The following ERC1 variants were observed in gnomAD, a reference collection of about 807,000 sequenced individuals.
The protein encoded by ERC1 is RAB6 interacting protein 2.
In ERC1, 56 loss-of-function variants were observed where a neutral mutation model predicts 132.0. That is an observed-to-expected ratio of 0.42 (90% CI 0.34 to 0.53). The LOEUF is 0.53. ERC1 is among the 20% of genes least tolerant of loss of function. The pLI is 0.03. For synonymous variants in ERC1, 478 were observed against 476.1 expected, an observed-to-expected ratio of 1.00 and a Z score of -0.05; for missense variants, 1,202 against 1,349.9, an observed-to-expected ratio of 0.89 and a Z score of 1.72.
intron 13 of ERC1, among the ~76,000 whole-genome samples, chr12:1,248,618 A>G (rs1281791315): frequency 6.6e-6 from 1 of 152,228 alleles, no homozygotes; most frequent in Non-Finnish European, 1.5e-5. Flanking sequence ...TTTAGATTTT[A>G]CAAGTAGTGA....
chr12:1,251,861 A>G (rs2076489454), intron 13 of ERC1, among the ~76,000 whole-genome samples: 1 of 152,154 alleles, frequency 6.6e-6, no homozygotes, highest in East Asian at 1.9e-4. Flanking sequence ...AAATTATTAA[A>G]AACTGGACTA....
chr12:1,239,560 T>A (rs973026220), intron 13 of ERC1, among the ~76,000 whole-genome samples: 4 of 152,000 alleles, frequency 2.6e-5, no homozygotes, highest in Non-Finnish European at 4.4e-5. Flanking sequence ...TCTAAAAAAA[T>A]TTAAGAAATT....
intron 1 of ERC1, among the ~76,000 whole-genome samples, chr12:1,025,212 T>G (rs1184353104): frequency 6.6e-6 from 1 of 152,200 alleles, no homozygotes; most frequent in Non-Finnish European, 1.5e-5. Context: ...AAAAAAAAAT[T>G]CAGGTGCTTT....
At chr12:1,091,868 A>T (rs901697097) in intron 3 of ERC1, among the ~76,000 whole-genome samples, 1 of 152,160 alleles carries the variant, frequency 6.6e-6, no homozygotes, top group Non-Finnish European at 1.5e-5. Flanking sequence ...ATTGCTGGAG[A>T]TGTACAGAAT....
At chr12:1,485,056 T>C (rs1314276092) in intron 18 of ERC1, among the ~76,000 whole-genome samples, 2 of 150,974 alleles carry the variant, frequency 1.3e-5, no homozygotes, top group Non-Finnish European at 3.0e-5. Context: ...CTAATTTTTT[T>C]GTTTTAGTTT....
At chr12:1,129,513 G>A (rs1350294713) in intron 7 of ERC1, among the ~76,000 whole-genome samples, 3 of 152,158 alleles carry the variant, frequency 2.0e-5, no homozygotes, top group African/African-American at 4.8e-5. Context: ...GCAATAGAGC[G>A]AGACCCTGTC....
intron 2 of ERC1, among the ~76,000 whole-genome samples, chr12:1,039,254 G>C (rs1046854628): frequency 1.3e-5 from 2 of 150,714 alleles, no homozygotes; most frequent in Admixed American, 1.3e-4. Flanking sequence ...GGAGAATGGC[G>C]TGAACCCGGG....
chr12:1,263,935 C>CT (rs2077306153), intron 14 of ERC1, among the ~76,000 whole-genome samples: 1 of 152,012 alleles, frequency 6.6e-6, no homozygotes, highest in Non-Finnish European at 1.5e-5. Context: ...GGTGATCCAC[C>CT]TGCCCCGGCT....
chr12:1,323,868 T>C (rs1489234936), intron 15 of ERC1, among the ~76,000 whole-genome samples: 3 of 152,216 alleles, frequency 2.0e-5, no homozygotes, highest in Non-Finnish European at 4.4e-5. Context: ...TATGGCTGAT[T>C]GTTGCTGCTT....
chr12:1,123,179 A>G (rs148427822), intron 7 of ERC1, among the ~76,000 whole-genome samples: 377 of 152,314 alleles, frequency 2.5e-3, no homozygotes, highest in African/African-American at 8.9e-3. Context: ...TTAAGAAGAT[A>G]ATGATAAGCT....
chr12:1,240,572 A>T lies in ERC1; in HGVS notation c.2487+3668A>T, dbSNP rs578160711. ...GGTTCATTTCTTAGCCAAGCTCCTT[A>T]TTTGTGTTTTCCCTTTACTTGAGAA... On this transcript the variant is annotated intron_variant, in intron 13 of 18. Transcript: ENST00000360905. Among the ~76,000 whole-genome samples, 7 of 152,094 alleles carry T rather than the reference A, an allele frequency of 4.6e-5. No homozygotes were observed. The South Asian group carries it at 1.5e-3, about 32-fold the overall frequency.
chr12:1,407,928 G>A (rs74832665), intron 16 of ERC1, among the ~76,000 whole-genome samples: 5,752 of 152,164 alleles, frequency 0.038, 170 homozygotes, highest in Non-Finnish European at 0.063. Context: ...TGGTAACGTT[G>A]GGGTTTAGGG....
At chr12:1,155,351 C>T (rs1012517549) in intron 8 of ERC1, among the ~76,000 whole-genome samples, 1 of 147,216 alleles carries the variant, frequency 6.8e-6, no homozygotes, top group Non-Finnish European at 1.5e-5. Context: ...TTTATCATTT[C>T]ATCCAGCAGT....
intron 8 of ERC1, among the ~76,000 whole-genome samples, chr12:1,149,438 G>T (rs909739326): frequency 1.3e-5 from 2 of 152,086 alleles, no homozygotes; most frequent in African/African-American, 2.4e-5. Context: ...TCACTGTGTT[G>T]CCCAGGCTGG....
intron 17 of ERC1, among the ~76,000 whole-genome samples, chr12:1,432,247 G>T (rs1171942102): frequency 2.0e-5 from 3 of 152,240 alleles, no homozygotes. Flanking sequence ...ATATGTGAAT[G>T]AATGACTGTG....
intron 1 of ERC1, among the ~76,000 whole-genome samples, chr12:1,016,480 A>G (rs1965518783): frequency 6.6e-6 from 1 of 152,184 alleles, no homozygotes; most frequent in South Asian, 2.1e-4. Flanking sequence ...TTGTGGGAAG[A>G]GTGAGAATTA....
intron 1 of ERC1, among the ~76,000 whole-genome samples, chr12:1,009,979 T>G (rs1438926763): frequency 6.6e-6 from 1 of 152,232 alleles, no homozygotes; most frequent in African/African-American, 2.4e-5. Flanking sequence ...TTCAGTTATT[T>G]CAGGAACCAC....
intron 15 of ERC1, among the ~76,000 whole-genome samples, chr12:1,337,505 G>C (rs2083418464): frequency 6.6e-6 from 1 of 152,002 alleles, no homozygotes; most frequent in African/African-American, 2.4e-5. Flanking sequence ...CTTGTTGCTT[G>C]GTGCCTTTTA....
intron 16 of ERC1, among the ~76,000 whole-genome samples, chr12:1,374,846 T>TTTTTTC (rs923294693): frequency 1.6e-5 from 2 of 123,204 alleles, no homozygotes; most frequent in Non-Finnish European, 3.4e-5. Context: ...TTTTTTTTTT[T>TTTTTTC]CTGTTTTTAA....
Sources: allele counts gnomAD v4.1 joint callset (sites outside exome capture counted in the v4.1 genomes callset), GRCh38; gene constraint gnomAD v4.1.1; transcripts MANE v1.5; gene names NCBI Gene and HGNC (gene_info 2026-07-23, HGNC 2026-07-21).